Variants in ZNF16 observed in about 807,000 individuals in gnomAD.
ZNF16 encodes zinc finger protein 16.
In ZNF16, 7 loss-of-function variants were observed where a neutral mutation model predicts 9.0. The observed-to-expected ratio is 0.78, with a 90% CI of 0.44 to 1.47. The LOEUF is 1.47. ZNF16 is among the 40% of genes most tolerant of loss of function. The pLI is 0.01. For missense variants in ZNF16, 830 were observed against 854.2 expected, an observed-to-expected ratio of 0.97 and a Z score of 0.35; for synonymous variants, 312 against 301.5, an observed-to-expected ratio of 1.03 and a Z score of -0.36.
chr8:144,946,599 CCTGCTGTTGGGCTTGTGT>C, intron 1 of ZNF16, among the ~76,000 whole-genome samples: 1 of 126,870 alleles, frequency 7.9e-6, no homozygotes, highest in African/African-American at 3.1e-5. Flanking sequence ...GGGTCTGTAT[CCTGCTGTTGGGCTTGTGT>C]CCTGCTGTTG....
In ZNF16 at chr8:144,930,822, C is replaced by G; in HGVS notation, c.1965G>C (p.Lys655Asn). The G allele has an allele frequency of 6.3e-7, 1 of 1,585,834 alleles. No homozygotes were observed. Among genetic ancestry groups the G allele is most frequent in the Non-Finnish European group, 8.6e-7 (1 of 1,167,170 alleles). The change falls in exon 3 of 3, where the codon AAG (lysine) becomes AAC (asparagine). Residue 655 changes from lysine to asparagine, a missense_variant. Physicochemically the swap from Lys to Asn is moderately conservative, Grantham distance 94. Transcript: ENST00000394909. ...TCCCACAAGCAGCACAGTCATAGGG[C>G]TTCACCCCAGTGTGAATCCTCTGGT... is the stretch of plus-strand genomic sequence containing the variant. ...IQHQRIHTGV[K>N]PYDCAACGKA...
In ZNF16 at chr8:144,931,854, G is replaced by A; in HGVS notation, c.933C>T (p.His311=). Residue 311 remains histidine, a synonymous_variant, in exon 3 of 3, where the codon CAC becomes CAT. Coordinates refer to ENST00000394909, the MANE Select transcript of ZNF16 (RefSeq NM_006958.3). The part of the protein sequence containing the change: ...AFSQNSSLKK[H]QKSHMSEKPY... ...GCTTCTCACTCATGTGAGACTTTTGGTGCTTTTTAAGGCTCGAGTTCTGGC... is the reference window on the plus strand; with the variant it reads ...GCTTCTCACTCATGTGAGACTTTTGATGCTTTTTAAGGCTCGAGTTCTGGC... 1 of 1,614,146 alleles carries A rather than the reference G, an allele frequency of 6.2e-7. No homozygotes were observed.
At position 144,931,167 on chromosome 8, in the gene ZNF16, A is replaced by G. The variant is rs764110276; in HGVS notation, c.1620T>C (p.Thr540=). 6.2e-7 allele frequency: 1 copy of G among 1,614,028 alleles called. No individual in the cohort carries two copies. The highest frequency in any genetic ancestry group is 8.5e-7 in the Non-Finnish European group (1 of 1,179,980). The change falls in exon 3 of 3, where the codon ACT becomes ACC. Residue 540 remains threonine, a synonymous_variant. Coordinates refer to ENST00000394909, the MANE Select transcript of ZNF16 (RefSeq NM_006958.3). ...CAGTACATTCATAGGGCTTCTCTCC[A>G]GTGTGGACTCGCTGGTGAAGGATGA... is the stretch of plus-strand genomic sequence containing the variant. ...SNLILHQRVH[T]GEKPYECTEC...
In ZNF16 at chr8:144,930,820, G is replaced by T; in HGVS notation, c.1967C>A (p.Pro656His). 1.3e-6 allele frequency: 2 copies of T among 1,583,542 alleles called. No homozygotes were observed. Among genetic ancestry groups the T allele is most frequent in the African/African-American group, 1.3e-5 (1 of 74,112 alleles). The change falls in exon 3 of 3, where the codon CCC (proline) becomes CAC (histidine). Residue 656 changes from proline (P) to histidine (H), a missense_variant. Pro to His is a moderately conservative substitution (Grantham distance 77, BLOSUM62 -2). Transcript: ENST00000394909. The part of the protein sequence containing the change: ...QHQRIHTGVK[P>H]YDCAACGKAF... ...TTTCCCACAAGCAGCACAGTCATAGGGCTTCACCCCAGTGTGAATCCTCTG... is the reference window on the plus strand; with the variant it reads ...TTTCCCACAAGCAGCACAGTCATAGTGCTTCACCCCAGTGTGAATCCTCTG...
At position 144,932,553 on chromosome 8, in the gene ZNF16, G is replaced by A. The variant is rs775697600; in HGVS notation, c.234C>T (p.His78=). Residue 78 remains histidine (H), a synonymous_variant, in exon 3 of 3, where the codon CAC becomes CAT. Transcript: ENST00000394909. This position sits in a 1 kb window ranked among gnomAD's most constrained non-coding sequence, Gnocchi z 5.0. ...CCAAATCTTCATGAATGTCTTCCTTGTGAAGAAACTCCTTGTCTTCAGTCC... is the reference window on the plus strand; with the variant it reads ...CCAAATCTTCATGAATGTCTTCCTTATGAAGAAACTCCTTGTCTTCAGTCC... ...DTRTEDKEFL[H]KEDIHEDLES... 6.2e-7 allele frequency: 1 copy of A among 1,614,010 alleles called. No individual in the cohort carries two copies. The highest frequency in any genetic ancestry group is 8.5e-7 in the Non-Finnish European group (1 of 1,179,964).
rs1586948819 is a variant in ZNF16 at position 144,932,649 on chromosome 8, A to G, written c.197-59T>C. ...AGTGCTGCAGCAGGAGCAGGAACAT[A>G]GACAGTCACAGTTGCACCCACTAAC... On this transcript the variant is annotated intron_variant, in intron 2 of 2. Coordinates refer to ENST00000394909, the MANE Select transcript of ZNF16 (RefSeq NM_006958.3). The surrounding 1 kb of genome is among the most constrained non-coding windows in gnomAD (Gnocchi z 5.0). 1 of 1,554,646 alleles carries G rather than the reference A, an allele frequency of 6.4e-7. No individual in the cohort carries two copies. Among genetic ancestry groups the G allele is most frequent in the Non-Finnish European group, 8.7e-7 (1 of 1,146,682 alleles).
intron 2 of ZNF16, among the ~76,000 whole-genome samples, chr8:144,940,916 TTA>T (rs1833783098): frequency 6.6e-6 from 1 of 152,206 alleles, no homozygotes; most frequent in Non-Finnish European, 1.5e-5. Context: ...CTCAGGCCTC[TTA>T]TAAGGAGATA....
intron 2 of ZNF16, among the ~76,000 whole-genome samples, chr8:144,941,909 C>T (rs897678654): frequency 6.6e-6 from 1 of 150,882 alleles, no homozygotes; most frequent in Non-Finnish European, 1.5e-5. Flanking sequence ...CTGCCCACCT[C>T]AGCCCCCAAA....
rs1833916953 is a variant in ZNF16, at chr8:144,946,015, C to T, written c.192G>A (p.Gln64=). The change falls in exon 2 of 3, where the codon CAG becomes CAA. Residue 64 remains glutamine, a synonymous_variant. Coordinates refer to ENST00000394909, the MANE Select transcript of ZNF16 (RefSeq NM_006958.3). ...ELEAICPHYQ[Q]PDCDTRTEDK... The stretch of plus-strand genomic sequence containing the variant: ...GGAGAACTGTTCTTAAAGTACCTGG[C>T]TGCTGATAGTGAGGGCAGATGGCTT... 2 of 1,613,528 alleles carry T rather than the reference C, an allele frequency of 1.2e-6. No individual in the cohort carries two copies. The highest frequency in any genetic ancestry group is 2.7e-5 in the African/African-American group (2 of 74,898).
chr8:144,932,643 G>A lies in ZNF16; in HGVS notation c.197-53C>T. On this transcript the variant is annotated intron_variant, in intron 2 of 2. Coordinates refer to ENST00000394909, the MANE Select transcript of ZNF16 (RefSeq NM_006958.3). This position sits in a 1 kb window ranked among gnomAD's most constrained non-coding sequence, Gnocchi z 5.0. ...GAAGGCAGTGCTGCAGCAGGAGCAG[G>A]AACATAGACAGTCACAGTTGCACCC... The A allele has an allele frequency of 3.2e-6, 5 of 1,564,248 alleles. No individual in the cohort carries two copies. The highest frequency in any genetic ancestry group is 4.3e-6 in the Non-Finnish European group (5 of 1,153,590).
rs569866071 is a variant in ZNF16 at position 144,946,105 on chromosome 8, A to C, written c.102T>G (p.Ala34=). 7 of 1,611,848 alleles carry C rather than the reference A, an allele frequency of 4.3e-6. No homozygotes were observed. The South Asian group carries it at 7.7e-5, about 18-fold the overall frequency. The change falls in exon 2 of 3, where the codon GCT becomes GCG. Residue 34 remains alanine (A), a synonymous_variant. Transcript: ENST00000394909. ...CAGATCCAGGGTGGGTCACAGCAGGAGCATCTCTCACACGGGCCTGGGCTG... is the reference window on the plus strand; with the variant it reads ...CAGATCCAGGGTGGGTCACAGCAGGCGCATCTCTCACACGGGCCTGGGCTG... ...TPAAQARVRD[A]PAVTHPGSAA... is the part of the protein sequence containing the mutation.
rs1458557778 is a variant in ZNF16, at chr8:144,932,247, T to C, written c.540A>G (p.Pro180=). The C allele has an allele frequency of 6.2e-7, 1 of 1,614,076 alleles. No individual in the cohort carries two copies. The highest frequency in any genetic ancestry group is 8.5e-7 in the Non-Finnish European group (1 of 1,180,046). The change falls in exon 3 of 3, where the codon CCA becomes CCG. Residue 180 remains proline (P), a synonymous_variant. Coordinates refer to ENST00000394909, the MANE Select transcript of ZNF16 (RefSeq NM_006958.3). This position sits in a 1 kb window ranked among gnomAD's most constrained non-coding sequence, Gnocchi z 5.0. The stretch of plus-strand genomic sequence containing the variant: ...TCTGGCCACCCATGTCATATGGATG[T>C]GGCCTCTCTTCTGTAGGGATTTCCT... ...ACQEIPTEER[P]HPYDMGGQSF...
chr8:144,950,270 A>C (rs185177607), intron 1 of ZNF16: 9 of 152,342 alleles, frequency 5.9e-5, no homozygotes, highest in Admixed American at 5.9e-4. Context: ...TGAAAATAAT[A>C]ATCAATAAAA....
In ZNF16 at chr8:144,931,178, G is replaced by GAT; in HGVS notation, c.1608_1609insAT (p.Arg537IlefsTer35). On this transcript the variant is annotated frameshift_variant, in exon 3 of 3. Transcript: ENST00000394909. LOFTEE classifies it high-confidence loss of function. ...TAGGGCTTCTCTCCAGTGTGGACTC[G>GAT]CTGGTGAAGGATGAGGTTGGAGCTG... 6.2e-7 allele frequency: 1 copy of GAT among 1,603,166 alleles called. No individual in the cohort carries two copies. The highest frequency in any genetic ancestry group is 8.5e-7 in the Non-Finnish European group (1 of 1,176,270).
chr8:144,942,021 A>G (rs1479016207), intron 2 of ZNF16, among the ~76,000 whole-genome samples: 1 of 134,546 alleles, frequency 7.4e-6, no homozygotes, highest in African/African-American at 2.9e-5. Flanking sequence ...TCTGTCTCCC[A>G]GGCTGGAGTG....
chr8:144,934,339 CTCT>C (rs970269075), intron 2 of ZNF16, among the ~76,000 whole-genome samples: 8 of 152,254 alleles, frequency 5.3e-5, no homozygotes, highest in African/African-American at 1.7e-4. Context: ...CAGGCCTCTC[CTCT>C]CCCACAGAGC....
chr8:144,950,636 C>G (rs985894820), intron 1 of ZNF16, 161 bp downstream of exon 1: 1 of 151,700 alleles, frequency 6.6e-6, no homozygotes, highest in Non-Finnish European at 1.5e-5. Flanking sequence ...CCCGCCCCCC[C>G]CGCGCTCCCA....
Position 144,932,835 on chromosome 8 carries a change from A to G in ZNF16, c.197-245T>C, listed in dbSNP as rs1833590899. Among the ~76,000 whole-genome samples, 1 of 152,086 alleles carries G rather than the reference A, an allele frequency of 6.6e-6. No individual in the cohort carries two copies. The highest frequency in any genetic ancestry group is 1.5e-5 in the Non-Finnish European group (1 of 68,002). ...GGACCCACCCTCCCTGGGACTCCAC[A>G]TCTCAGCAAACGTTACTGCGGTCTA... On this transcript the variant is annotated intron_variant, in intron 2 of 2. Transcript: ENST00000394909. The surrounding 1 kb of genome is among the most constrained non-coding windows in gnomAD (Gnocchi z 5.0).
intron 2 of ZNF16, among the ~76,000 whole-genome samples, chr8:144,941,091 G>C (rs1288258703): frequency 6.6e-6 from 1 of 152,142 alleles, no homozygotes; most frequent in Non-Finnish European, 1.5e-5. Flanking sequence ...GGTCTAGTTG[G>C]GTTGTAACGC....
Sources: allele counts gnomAD v4.1 joint callset (sites outside exome capture counted in the v4.1 genomes callset), GRCh38; gene constraint gnomAD v4.1.1; non-coding constraint Gnocchi (gnomAD v3.1); transcripts MANE v1.5; gene names NCBI Gene and HGNC (gene_info 2026-07-23, HGNC 2026-07-21).